LRRC56: variants seen among roughly 807,000 people sequenced by gnomAD.
LRRC56 encodes the protein leucine-rich repeat-containing protein 56.
Under a neutral mutation model 47.8 loss-of-function variants are expected in LRRC56, and 41 were observed. That is an observed-to-expected ratio of 0.86 (90% CI 0.67 to 1.11). The LOEUF is 1.11. LRRC56 is among the 50% of genes most tolerant of loss of function. LRRC56 has a pLI of 0.00. For synonymous variants in LRRC56, 387 were observed against 311.2 expected (o/e 1.24, Z -2.56); for missense variants, 759 against 704.2 (o/e 1.08, Z -0.88).
At chr11:526,169 T>A in the LRRC56 span, among the ~76,000 whole-genome samples, 1 of 150,546 alleles carries the variant, frequency 6.6e-6, no homozygotes, top group Non-Finnish European at 1.5e-5. Context: ...ATCGCACCAC[T>A]GCACTCCAGC....
chr11:540,642 C>T (rs1396323604), intron 3 of LRRC56, 32 bp from the exon 4 acceptor site: 8 of 1,586,402 alleles, frequency 5.0e-6, no homozygotes, highest in East Asian at 2.3e-5. Context: ...GGAGCAACAG[C>T]GTGGAGCTTT....
Position 551,658 on chromosome 11 carries a change from C to A in LRRC56, c.804C>A (p.Pro268=), listed in dbSNP as rs764441573. The change falls in exon 10 of 14, where the codon CCC becomes CCA. Residue 268 remains proline (P), a synonymous_variant. Coordinates refer to ENST00000270115, the MANE Select transcript of LRRC56 (RefSeq NM_198075.4). ...KGNGLPPLDC[P]RGAPIRRLDP... ...CTTCTGAACCTCGGGCAGACTGTCC[C>A]CGTGGAGCCCCCATCCGGAGACTTG... 6 of 1,570,300 alleles carry A rather than the reference C, an allele frequency of 3.8e-6. No individual in the cohort carries two copies. Among genetic ancestry groups the A allele is most frequent in the Non-Finnish European group, 5.2e-6 (6 of 1,159,860 alleles).
chr11:517,807 C>T, the LRRC56 span, among the ~76,000 whole-genome samples: 1 of 152,320 alleles, frequency 6.6e-6, no homozygotes, highest in East Asian at 1.9e-4. Context: ...TAGGAGACTC[C>T]GTTTTGTTCT....
the LRRC56 span, among the ~76,000 whole-genome samples, chr11:522,730 G>A: frequency 1.3e-5 from 2 of 152,026 alleles, no homozygotes; most frequent in African/African-American, 4.8e-5. Flanking sequence ...AATAAATTCT[G>A]ACATTCTCTG....
At chr11:553,883 G>C (rs1852590921) in intron 13 of LRRC56, 80 bp from the exon 14 acceptor site, 1 of 1,332,116 alleles carries the variant, frequency 7.5e-7, no homozygotes, top group Non-Finnish European at 1.1e-6. Context: ...CAGGGCCACG[G>C]GTGGGCTGTG....
chr11:553,650 G>T (rs1045317948), intron 13 of LRRC56, among the ~76,000 whole-genome samples: 3 of 152,208 alleles, frequency 2.0e-5, no homozygotes, highest in African/African-American at 7.2e-5. Flanking sequence ...GGCTCTCAGG[G>T]TCAGGACACA....
chr11:530,226 C>A, the LRRC56 span, among the ~76,000 whole-genome samples: 2 of 152,220 alleles, frequency 1.3e-5, no homozygotes. Flanking sequence ...CCTGCCCAGC[C>A]CCGTAATGAC....
upstream of LRRC56, among the ~76,000 whole-genome samples, chr11:535,961 G>A (rs1320761796): frequency 2.0e-5 from 3 of 152,158 alleles, no homozygotes; most frequent in Non-Finnish European, 4.4e-5. Flanking sequence ...CGGAGGTCCC[G>A]GGGCTACGGG....
chr11:539,384 C>CTTTTTTTTT lies in LRRC56; in HGVS notation c.-158-186_-158-178dup, dbSNP rs35782858. On this transcript the variant is annotated intron_variant, in intron 2 of 13. Coordinates refer to ENST00000270115, the MANE Select transcript of LRRC56 (RefSeq NM_198075.4). The stretch of plus-strand genomic sequence containing the variant: ...ACAGGTGTGAGCCACCGCACCCAGC[C>CTTTTTTTTT]TTTTTTTTTTTTTTTTTTGAGACAG... Among the ~76,000 whole-genome samples, 41 of 92,420 alleles carry CTTTTTTTTT rather than the reference C, an allele frequency of 4.4e-4. 3 individuals carry two copies. The highest frequency in any genetic ancestry group is 1.0e-3 in the African/African-American group (22 of 21,132). The allele number at this position is 92,420 out of a possible 152,430, so 60.6% of individuals were successfully genotyped here.
the LRRC56 span, chr11:506,801 A>G: frequency 6.6e-6 from 1 of 152,208 alleles, no homozygotes; most frequent in Non-Finnish European, 1.5e-5. Flanking sequence ...CCACGTGAGG[A>G]CGAACCACGC....
chr11:550,358 G>A (rs1441746130), intron 8 of LRRC56, 86 bp downstream of exon 8: 7 of 1,315,454 alleles, frequency 5.3e-6, no homozygotes, highest in South Asian at 2.9e-5. Flanking sequence ...CCTCTGGCCA[G>A]GTACTTCTGT....
chr11:532,408 C>T, the LRRC56 span: 59 of 643,596 alleles, frequency 9.2e-5, 1 homozygote, highest in Middle Eastern at 4.2e-4. Context: ...CCCACGGTCC[C>T]GGGGTGACTG....
At chr11:522,110 T>C in the LRRC56 span, among the ~76,000 whole-genome samples, 1 of 152,182 alleles carries the variant, frequency 6.6e-6, no homozygotes, top group Non-Finnish European at 1.5e-5. Context: ...AAAGAGTGTC[T>C]TGCTCTGTCA....
At chr11:553,794 C>A (rs1852580733) in intron 13 of LRRC56, among the ~76,000 whole-genome samples, 169 bp from the exon 14 acceptor site, 1 of 152,158 alleles carries the variant, frequency 6.6e-6, no homozygotes, top group South Asian at 2.1e-4. Flanking sequence ...AGTCAGGGGT[C>A]ACAGGGCTGG....
chr11:511,930 A>G, the LRRC56 span, among the ~76,000 whole-genome samples: 268 of 152,156 alleles, frequency 1.8e-3, 1 homozygote, highest in Middle Eastern at 0.01. Context: ...CAGTTAACTC[A>G]GTGAGGTTAG....
rs1205073702 is a variant in LRRC56 at position 537,597 on chromosome 11, A to C, written c.-430A>C. 1.3e-5 allele frequency: 2 copies of C among 152,272 alleles called. No homozygotes were observed. Among genetic ancestry groups the C allele is most frequent in the Non-Finnish European group, 2.9e-5 (2 of 68,084 alleles). The allele number at this position is 152,272 out of a possible 1,614,324, so 9.4% of individuals were successfully genotyped here. ...CTGCCAGGGCCGGACACCTAGGCTG[A>C]GCCCTCAGGTGAGAGCCGAGCGCAC... On this transcript the variant is annotated 5_prime_UTR_variant, in exon 1 of 14. Transcript: ENST00000270115.
intron 6 of LRRC56, among the ~76,000 whole-genome samples, chr11:547,277 A>G (rs1852130871): frequency 6.6e-6 from 1 of 152,062 alleles, no homozygotes; most frequent in African/African-American, 2.4e-5. Context: ...AAGTGCCCCT[A>G]ATACAAGAGT....
At chr11:533,233 C>T (rs531070910), upstream of LRRC56, 15 of 1,488,468 alleles carry the variant, frequency 1.0e-5, no homozygotes, top group East Asian at 1.7e-4. Flanking sequence ...GCCCAGACCC[C>T]GGCCCTCGCC....
upstream of LRRC56, chr11:533,669 G>C: frequency 6.2e-7 from 1 of 1,612,324 alleles, no homozygotes; most frequent in Non-Finnish European, 8.5e-7. Flanking sequence ...CGGCATCCAG[G>C]ACATGCGCAG....
Sources: gnomAD v4.1 joint callset for allele counts (sites outside exome capture counted in the v4.1 genomes callset) on GRCh38, gnomAD v4.1.1 for gene constraint, MANE v1.5 for transcripts, NCBI Gene and HGNC (gene_info 2026-07-23, HGNC 2026-07-21) for gene names.